Variants in TGFBR2 observed in about 807,000 individuals in gnomAD.
TGFBR2 encodes transforming growth factor beta receptor 2.
TGFBR2 carries 18 observed loss-of-function variants against 49.0 expected under a neutral mutation model. The observed-to-expected ratio is 0.37, with a 90% CI of 0.25 to 0.54. TGFBR2 has a LOEUF of 0.54. Ranked by LOEUF, TGFBR2 falls within the 20% of genes least tolerant of loss-of-function variation. TGFBR2 has a pLI of 0.85. For synonymous variants in TGFBR2, 282 were observed against 275.9 expected, an observed-to-expected ratio of 1.02 and a Z score of -0.22; for missense variants, 525 against 722.6, an observed-to-expected ratio of 0.73 and a Z score of 3.13.
chr3:30,693,903 CTT>C lies in TGFBR2; in HGVS notation c.*2309_*2310del, dbSNP rs1699753830. On this transcript the variant is annotated 3_prime_UTR_variant, in exon 7 of 7. Transcript: ENST00000295754. ...ATTCTGTAGTTCCTAAAAATACTGA[CTT>C]TTTTCACTACTATACATAAAGGGAA... 1 of 229,534 alleles carries C rather than the reference CTT, an allele frequency of 4.4e-6. No individual in the cohort carries two copies. Among genetic ancestry groups the C allele is most frequent in the African/African-American group, 2.2e-5 (1 of 44,952 alleles). The allele number at this position is 229,534 out of a possible 1,614,324, so 14.2% of individuals were successfully genotyped here. A position where few individuals can be genotyped will look rare whatever the true frequency, so the allele number is the denominator to read the frequency against.
chr3:30,620,400 G>A (rs1698208230), intron 1 of TGFBR2, among the ~76,000 whole-genome samples: 1 of 151,856 alleles, frequency 6.6e-6, no homozygotes, highest in Non-Finnish European at 1.5e-5. Flanking sequence ...CTCCCAGATG[G>A]CTTTTCACCA....
chr3:30,614,115 C>CTTTTTTTTTTTTTTT (rs5847643), intron 1 of TGFBR2, among the ~76,000 whole-genome samples: 2 of 120,630 alleles, frequency 1.7e-5, no homozygotes, highest in Non-Finnish European at 3.3e-5. Flanking sequence ...TTTTTCTTTC[C>CTTTTTTTTTTTTTTT]TTTTTTTTTT....
At chr3:30,630,495 C>G (rs908416258) in intron 1 of TGFBR2, among the ~76,000 whole-genome samples, 2 of 152,180 alleles carry the variant, frequency 1.3e-5, no homozygotes, top group African/African-American at 4.8e-5. Context: ...TGGAAGATTG[C>G]ACCTTGAAGA....
Position 30,633,597 on chromosome 3 carries a change from G to A in TGFBR2, c.95-11150G>A, listed in dbSNP as rs2125394239. Among the ~76,000 whole-genome samples, 2 of 152,310 alleles carry A rather than the reference G, an allele frequency of 1.3e-5. 1 individual carries two copies. The highest frequency in any genetic ancestry group is 2.9e-5 in the Non-Finnish European group (2 of 68,026). On this transcript the variant is annotated intron_variant, in intron 1 of 6. Transcript: ENST00000295754. ...GCAGGGGAGTAGGTGACATGAAGGAGTGTCAGGGAGGAGGCAAATTTGAGG... is the reference window on the plus strand; with the variant it reads ...GCAGGGGAGTAGGTGACATGAAGGAATGTCAGGGAGGAGGCAAATTTGAGG...
At position 30,660,733 on chromosome 3, in the gene TGFBR2, G is replaced by A. The variant is rs9831033; in HGVS notation, c.454+10273G>A. On this transcript the variant is annotated intron_variant, in intron 3 of 6. Transcript: ENST00000295754. The stretch of plus-strand genomic sequence containing the variant: ...TTACAAGCAATTGCTTTGGAACAAG[G>A]TCAACGGCCTCATTGGGAATAGGCA... Among the ~76,000 whole-genome samples the A allele has an allele frequency of 8.9e-3, 1,354 of 152,320 alleles. 16 individuals carry two copies. Among genetic ancestry groups the A allele is most frequent in the African/African-American group, 0.031 (1,280 of 41,574 alleles).
intron 5 of TGFBR2, among the ~76,000 whole-genome samples, chr3:30,686,594 T>C (rs1299640255): frequency 1.3e-5 from 2 of 152,238 alleles, no homozygotes; most frequent in Non-Finnish European, 2.9e-5. Context: ...CCGTCCCTTT[T>C]CAAAATGTCA....
intron 2 of TGFBR2, among the ~76,000 whole-genome samples, chr3:30,649,038 T>C (rs1698829229): frequency 6.6e-6 from 1 of 151,970 alleles, no homozygotes; most frequent in Non-Finnish European, 1.5e-5. Context: ...CCTTTGTGCA[T>C]GGGGCAGGGA....
chr3:30,616,884 T>C (rs1698143415), intron 1 of TGFBR2, among the ~76,000 whole-genome samples: 1 of 152,184 alleles, frequency 6.6e-6, no homozygotes, highest in African/African-American at 2.4e-5. Flanking sequence ...CAGCTAGAGC[T>C]CACTCCTTCC....
intron 2 of TGFBR2, among the ~76,000 whole-genome samples, chr3:30,649,388 T>G (rs1364150561): frequency 9.9e-5 from 15 of 152,192 alleles, no homozygotes; most frequent in Admixed American, 9.8e-4. Context: ...TTAATCATGT[T>G]GTTTAAAAAT....
chr3:30,635,786 A>G (rs1418305812), intron 1 of TGFBR2, among the ~76,000 whole-genome samples: 1 of 152,188 alleles, frequency 6.6e-6, no homozygotes, highest in Non-Finnish European at 1.5e-5. Flanking sequence ...AATCATAGCA[A>G]ACTACTAAAT....
At chr3:30,677,066 T>C (rs1699452751) in intron 5 of TGFBR2, among the ~76,000 whole-genome samples, 1 of 152,214 alleles carries the variant, frequency 6.6e-6, no homozygotes, top group African/African-American at 2.4e-5. Flanking sequence ...CTTTCAACTC[T>C]GTTATTCTAT....
At chr3:30,677,781 G>A (rs143128791) in intron 5 of TGFBR2, among the ~76,000 whole-genome samples, 20 of 152,184 alleles carry the variant, frequency 1.3e-4, no homozygotes, top group African/African-American at 4.3e-4. Flanking sequence ...ACAGATGGAA[G>A]GACAGGTTTT....
chr3:30,640,861 T>A (rs1698630439), intron 1 of TGFBR2, among the ~76,000 whole-genome samples: 1 of 152,222 alleles, frequency 6.6e-6, no homozygotes, highest in Non-Finnish European at 1.5e-5. Context: ...TATCGTTGTT[T>A]AGAGGAATAT....
At chr3:30,647,775 C>T (rs187627549) in intron 2 of TGFBR2, among the ~76,000 whole-genome samples, 22 of 152,204 alleles carry the variant, frequency 1.4e-4, no homozygotes, top group African/African-American at 4.6e-4. Context: ...CTCCCGGGTT[C>T]GTGCGATTCT....
intron 5 of TGFBR2, among the ~76,000 whole-genome samples, chr3:30,677,953 G>A (rs1462851793): frequency 2.0e-5 from 3 of 152,240 alleles, no homozygotes; most frequent in Admixed American, 6.5e-5. Context: ...GAAGAGGGAA[G>A]GATGTAAAAG....
chr3:30,677,815 C>T (rs1288400966), intron 5 of TGFBR2, among the ~76,000 whole-genome samples: 1 of 152,166 alleles, frequency 6.6e-6, no homozygotes, highest in African/African-American at 2.4e-5. Context: ...TTGTAGTCTA[C>T]AGGAAACAGT....
chr3:30,627,048 T>G (rs1160984435), intron 1 of TGFBR2, among the ~76,000 whole-genome samples: 1 of 152,116 alleles, frequency 6.6e-6, no homozygotes, highest in African/African-American at 2.4e-5. Context: ...GATGGGAAGA[T>G]AGGAAATCCC....
intron 5 of TGFBR2, among the ~76,000 whole-genome samples, chr3:30,686,159 A>G (rs1222314711): frequency 6.6e-6 from 1 of 152,184 alleles, no homozygotes; most frequent in East Asian, 1.9e-4. Context: ...AATTCAACCG[A>G]ACTCATATTT....
intron 3 of TGFBR2, among the ~76,000 whole-genome samples, chr3:30,665,728 C>G (rs998933688): frequency 4.7e-4 from 72 of 152,246 alleles, no homozygotes; most frequent in African/African-American, 1.5e-3. Context: ...GAGACTAGAG[C>G]CCAAATGCCT....
Sources: gnomAD v4.1 joint callset for allele counts (sites outside exome capture counted in the v4.1 genomes callset) on GRCh38, gnomAD v4.1.1 for gene constraint, MANE v1.5 for transcripts, NCBI Gene and HGNC (gene_info 2026-07-23, HGNC 2026-07-21) for gene names.